RIMBP2: variants seen among roughly 807,000 people sequenced by gnomAD.
RIMBP2 encodes RIMS-binding protein 2.
A neutral mutation model predicts 118.6 loss-of-function variants in RIMBP2; 48 were observed. The ratio of observed to expected loss-of-function variants is 0.40; its 90% confidence interval spans 0.32 to 0.51. RIMBP2 has a LOEUF of 0.51. RIMBP2 is among the 20% of genes least tolerant of loss of function. The pLI, the probability that RIMBP2 is intolerant of heterozygous loss-of-function variation, is 0.41. For synonymous variants in RIMBP2, 762 were observed against 742.9 expected, an observed-to-expected ratio of 1.03 and a Z score of -0.42; for missense variants, 1,551 against 1,768.3, an observed-to-expected ratio of 0.88 and a Z score of 2.20.
At chr12:130,466,886 C>T (rs2080528168) in intron 6 of RIMBP2, among the ~76,000 whole-genome samples, 3 of 152,224 alleles carry the variant, frequency 2.0e-5, no homozygotes, top group African/African-American at 7.2e-5. Context: ...ATGAGCCAGA[C>T]TAAGGCACAA....
At chr12:130,714,413 C>T (rs1950182018) in intron 1 of RIMBP2, among the ~76,000 whole-genome samples, 1 of 152,320 alleles carries the variant, frequency 6.6e-6, no homozygotes, top group Admixed American at 6.5e-5. Context: ...CTCTGCCGGG[C>T]TTGCAGCATG....
At chr12:130,550,721 C>T (rs137984070) in intron 2 of RIMBP2, among the ~76,000 whole-genome samples, 2 of 152,224 alleles carry the variant, frequency 1.3e-5, no homozygotes, top group Admixed American at 6.5e-5. Context: ...TTAACAGATA[C>T]ATTTGGTTTT....
At chr12:130,554,791 C>A (rs1265632484) in intron 2 of RIMBP2, among the ~76,000 whole-genome samples, 1 of 152,048 alleles carries the variant, frequency 6.6e-6, no homozygotes, top group African/African-American at 2.4e-5. Context: ...AAATATCTAA[C>A]AAATATTTGA....
At chr12:130,499,207 G>GATCCA (rs2138637242) in intron 4 of RIMBP2, among the ~76,000 whole-genome samples, 1 of 152,276 alleles carries the variant, frequency 6.6e-6, no homozygotes, top group Admixed American at 6.5e-5. Context: ...CTGCCCCCAT[G>GATCCA]ATCCAATCAT....
chr12:130,705,830 C>T lies in RIMBP2; in HGVS notation c.-352+10392G>A, dbSNP rs751005196. On this transcript the variant is annotated intron_variant, in intron 1 of 22. Coordinates refer to ENST00000690449, the MANE Select transcript of RIMBP2 (RefSeq NM_001393629.1). ...GGCTGGGACCAACGGAGGCAGAAGC[C>T]GTTCTCTTCCCAGCCTACCCATCCC... Among the ~76,000 whole-genome samples, 65 of 152,358 alleles carry T rather than the reference C, an allele frequency of 4.3e-4. 1 individual carries two copies. Among genetic ancestry groups the T allele is most frequent in the Admixed American group, 9.8e-4 (15 of 15,310 alleles).
intron 2 of RIMBP2, among the ~76,000 whole-genome samples, chr12:130,565,610 T>C (rs965772514): frequency 6.6e-6 from 1 of 152,238 alleles, no homozygotes; most frequent in Non-Finnish European, 1.5e-5. Context: ...AGGATAACCA[T>C]GAGCTCCCTT....
intron 1 of RIMBP2, among the ~76,000 whole-genome samples, chr12:130,686,268 T>G (rs1309340370): frequency 6.6e-6 from 1 of 152,218 alleles, no homozygotes; most frequent in Non-Finnish European, 1.5e-5. Context: ...CATGGAGCTA[T>G]GGTCACTCAG....
chr12:130,422,308 G>A lies in RIMBP2; in HGVS notation c.3238+145C>T, dbSNP rs1009510356. 1 of 558,324 alleles carries A rather than the reference G, an allele frequency of 1.8e-6. No homozygotes were observed. Among genetic ancestry groups the A allele is most frequent in the Non-Finnish European group, 3.3e-6 (1 of 306,228 alleles). The allele number at this position is 558,324 out of a possible 1,614,324, so 34.6% of individuals were successfully genotyped here. A position where few individuals can be genotyped will look rare whatever the true frequency, so the allele number is the denominator to read the frequency against. On this transcript the variant is annotated intron_variant, in intron 17 of 22. Transcript: ENST00000690449. This position sits in a 1 kb window ranked among gnomAD's most constrained non-coding sequence, Gnocchi z 5.2. ...AAATAGCTTTCATTTATCTTGTGCT[G>A]TTCCTGCCTTCTTTTTGCCATGAAT...
chr12:130,450,938 T>C lies in RIMBP2; in HGVS notation c.504+257A>G, dbSNP rs77452496. On this transcript the variant is annotated intron_variant, in intron 8 of 22. Coordinates refer to ENST00000690449, the MANE Select transcript of RIMBP2 (RefSeq NM_001393629.1). The surrounding 1 kb of genome is among the most constrained non-coding windows in gnomAD (Gnocchi z 4.8). ...CATCCTTGCACCCCTCGATGGGATT[T>C]GCTTTTCTAAACGCTGCCTCGCCAG... Among the ~76,000 whole-genome samples the C allele has an allele frequency of 1.3e-3, 193 of 152,322 alleles. 6 individuals are homozygous for C. The East Asian group carries it at 0.032, about 26-fold the overall frequency.
In RIMBP2 at chr12:130,456,513, G is replaced by A. The variant is rs1017096188; in HGVS notation, c.341C>T (p.Ala114Val). The change falls in exon 7 of 23, where the codon GCC becomes GTC. Residue 114 changes from alanine to valine, a missense_variant. By Grantham distance (64) the Ala-to-Val change is moderately conservative (BLOSUM62 0). Coordinates refer to ENST00000690449, the MANE Select transcript of RIMBP2 (RefSeq NM_001393629.1). ...KPFPQFMNGL[A>V]TSLGKGQESA... Reference sequence around the variant, plus strand: ...GCGCTTACCTTTGCCGAGGGAGGTGGCTAGGCCATTCATGAACTGTGGGAA... The same window carrying A: ...GCGCTTACCTTTGCCGAGGGAGGTGACTAGGCCATTCATGAACTGTGGGAA... 6.3e-7 allele frequency: 1 copy of A among 1,597,166 alleles called. No individual in the cohort carries two copies. Among genetic ancestry groups the A allele is most frequent in the East Asian group, 2.2e-5 (1 of 44,482 alleles).
chr12:130,646,039 T>TTCCCTCTCCACC (rs1356753857), intron 1 of RIMBP2, among the ~76,000 whole-genome samples: 8 of 142,590 alleles, frequency 5.6e-5, no homozygotes, highest in South Asian at 2.2e-4. Flanking sequence ...CGGCAGCCAG[T>TTCCCTCTCCACC]TCCCTCTCCA....
intron 1 of RIMBP2, among the ~76,000 whole-genome samples, chr12:130,665,503 G>A (rs10848177): frequency 0.34 from 51,580 of 151,084 alleles, 9,283 homozygotes; most frequent in Non-Finnish European, 0.38. Context: ...CCGAGATCAC[G>A]CCACTGCACT....
At position 130,649,119 on chromosome 12, in the gene RIMBP2, G is replaced by A. The variant is rs920789359; in HGVS notation, c.-351-20663C>T. Among the ~76,000 whole-genome samples the A allele has an allele frequency of 4.8e-5, 7 of 145,900 alleles. 1 individual carries two copies. The highest frequency in any genetic ancestry group is 1.1e-4 in the Non-Finnish European group (7 of 64,390). The stretch of plus-strand genomic sequence containing the variant: ...GTGGCGGCCGATAGGCTCAGTCGGA[G>A]GTGGGTATGGAGGTGGGTACGGAGG... On this transcript the variant is annotated intron_variant, in intron 1 of 22. Transcript: ENST00000690449.
chr12:130,649,769 A>C (rs529549565), intron 1 of RIMBP2, among the ~76,000 whole-genome samples: 8 of 152,012 alleles, frequency 5.3e-5, no homozygotes, highest in Non-Finnish European at 1.2e-4. Flanking sequence ...TCACAGTTTC[A>C]CCAAGACAGC....
At chr12:130,462,843 T>A (rs1210395755) in intron 6 of RIMBP2, among the ~76,000 whole-genome samples, 2 of 152,248 alleles carry the variant, frequency 1.3e-5, no homozygotes, top group African/African-American at 4.8e-5. Context: ...AATGCTTGTC[T>A]GATGGGAGAA....
intron 2 of RIMBP2, among the ~76,000 whole-genome samples, chr12:130,534,962 C>A (rs2053857013): frequency 6.6e-6 from 1 of 152,134 alleles, no homozygotes; most frequent in Non-Finnish European, 1.5e-5. Context: ...GAAGTGAAAC[C>A]AAATCAATAT....
intron 4 of RIMBP2, among the ~76,000 whole-genome samples, chr12:130,494,257 A>C (rs2048920467): frequency 6.6e-6 from 1 of 151,988 alleles, no homozygotes; most frequent in Non-Finnish European, 1.5e-5. Flanking sequence ...TCAGGCCTAG[A>C]AGTTGGCACC....
At chr12:130,458,747 T>C (rs539934200) in intron 6 of RIMBP2, among the ~76,000 whole-genome samples, 26 of 152,180 alleles carry the variant, frequency 1.7e-4, no homozygotes, top group Admixed American at 3.3e-4. Flanking sequence ...TCTATGAAAA[T>C]GACCTAACTA....
chr12:130,438,335 A>ACCGGGGGGGGGGGGCCCCCCCCCCC, intron 12 of RIMBP2, 30 bp downstream of exon 12: 1 of 865,014 alleles, frequency 1.2e-6, no homozygotes, highest in Non-Finnish European at 1.9e-6. Context: ...GGCCTAACAA[A>ACCGGGGGGGGGGGGCCCCCCCCCCC]CCCTCCCCAC....
Sources: allele counts gnomAD v4.1 joint callset (sites outside exome capture counted in the v4.1 genomes callset), GRCh38; gene constraint gnomAD v4.1.1; non-coding constraint Gnocchi (gnomAD v3.1); transcripts MANE v1.5; gene names NCBI Gene and HGNC (gene_info 2026-07-23, HGNC 2026-07-21).